The following AKAP13 variants were observed in gnomAD, a reference collection of about 807,000 sequenced individuals.
AKAP13 encodes the protein A-kinase anchoring protein 13.
A neutral mutation model predicts 264.5 loss-of-function variants in AKAP13; 80 were observed. The ratio of observed to expected loss-of-function variants is 0.30; its 90% confidence interval spans 0.25 to 0.36. AKAP13 has a LOEUF of 0.36. AKAP13 is among the 10% of genes least tolerant of loss of function. The pLI, the probability that AKAP13 is intolerant of heterozygous loss-of-function variation, is 1.00. For synonymous variants in AKAP13, 1,380 were observed against 1,250.2 expected, an observed-to-expected ratio of 1.10 and a Z score of -2.19; for missense variants, 3,712 against 3,435.2, an observed-to-expected ratio of 1.08 and a Z score of -2.01.
At chr15:85,706,262 AG>A (rs974426784) in intron 17 of AKAP13, among the ~76,000 whole-genome samples, 35 of 152,132 alleles carry the variant, frequency 2.3e-4, no homozygotes, top group African/African-American at 7.5e-4. Context: ...GTGGCAGAGG[AG>A]GGGAGGTGCA....
chr15:85,578,848 C>G (rs557970357), intron 6 of AKAP13, 82 bp from the exon 7 acceptor site: 4 of 1,342,162 alleles, frequency 3.0e-6, no homozygotes, highest in African/African-American at 2.9e-5. Context: ...TGAGTTCTGT[C>G]CAACAGAATT....
At chr15:85,734,224 C>G (rs1245390264) in intron 30 of AKAP13, among the ~76,000 whole-genome samples, 1 of 152,196 alleles carries the variant, frequency 6.6e-6, no homozygotes, top group African/African-American at 2.4e-5. Context: ...AAGTTAGACC[C>G]TGTGTTCTCC....
chr15:85,580,733 A>ATTT lies in AKAP13; in HGVS notation c.2665_2666insTTT (p.Asn889delinsIleTyr). 6.2e-7 allele frequency: 1 copy of ATTT among 1,614,194 alleles called. No homozygotes were observed. Among genetic ancestry groups the ATTT allele is most frequent in the Non-Finnish European group, 8.5e-7 (1 of 1,180,024 alleles). ...CCCAGAAGCTCTGAATATCAAGGGG[A>ATTT]ACACTGACTCTTCCCTGCAAAGTGT... On this transcript the variant is annotated protein_altering_variant, in exon 7 of 37. Coordinates refer to ENST00000394518, the MANE Select transcript of AKAP13 (RefSeq NM_007200.5).
chr15:85,627,662 TTCTGGATACTG>T (rs1382258130), intron 8 of AKAP13: 3 of 152,234 alleles, frequency 2.0e-5, no homozygotes, highest in African/African-American at 7.2e-5. Context: ...CAGTTTACAT[TTCTGGATACTG>T]TTGGGCTTTT....
chr15:85,577,298 G>A (rs566719426), intron 6 of AKAP13, among the ~76,000 whole-genome samples: 1 of 146,240 alleles, frequency 6.8e-6, no homozygotes, highest in Non-Finnish European at 1.5e-5. Context: ...CAGTAGGTAT[G>A]CATATTATTG....
chr15:85,656,670 G>A (rs528663100), intron 11 of AKAP13, among the ~76,000 whole-genome samples: 4 of 152,162 alleles, frequency 2.6e-5, no homozygotes, highest in South Asian at 2.1e-4. Context: ...GGATGGTCTC[G>A]ATCTCCTGAC....
intron 2 of AKAP13, among the ~76,000 whole-genome samples, chr15:85,501,755 A>G (rs1362855958): frequency 6.6e-6 from 1 of 152,248 alleles, no homozygotes; most frequent in Non-Finnish European, 1.5e-5. Flanking sequence ...AATTCAAACC[A>G]GACCTTTCTT....
intron 16 of AKAP13, among the ~76,000 whole-genome samples, chr15:85,691,321 G>C (rs1165185976): frequency 6.6e-6 from 1 of 152,190 alleles, no homozygotes; most frequent in Non-Finnish European, 1.5e-5. Context: ...CTGCCAAACA[G>C]TGCTTCTAAA....
rs566527196 is a variant in AKAP13, at chr15:85,531,119, C to T, written c.182-2465C>T. 6.6e-5 allele frequency among the ~76,000 whole-genome samples: 10 copies of T among 152,290 alleles called. 1 individual carries two copies. The highest frequency in any genetic ancestry group is 2.4e-4 in the African/African-American group (10 of 41,566). On this transcript the variant is annotated intron_variant, in intron 3 of 36. Coordinates refer to ENST00000394518, the MANE Select transcript of AKAP13 (RefSeq NM_007200.5). ...CAAGTGATCTGCCTGCCTCGGCCTC[C>T]CAAAGTGCTGGGATTACAGCATGAG...
chr15:85,458,386 G>GTTTTTTTTTTTTTTTTTTTTTT (rs1160050565), intron 1 of AKAP13, among the ~76,000 whole-genome samples: 2 of 103,932 alleles, frequency 1.9e-5, no homozygotes, highest in African/African-American at 1.0e-4. Flanking sequence ...TGTATTTTTT[G>GTTTTTTTTTTTTTTTTTTTTTT]TTTTTTGTTT....
At chr15:85,509,926 A>G (rs1033725870) in intron 2 of AKAP13, among the ~76,000 whole-genome samples, 3 of 152,220 alleles carry the variant, frequency 2.0e-5, no homozygotes, top group Admixed American at 2.0e-4. Context: ...GGTTGCAAAT[A>G]TCATTTCTTT....
At chr15:85,523,488 A>G (rs2076905609) in intron 3 of AKAP13, among the ~76,000 whole-genome samples, 2 of 152,182 alleles carry the variant, frequency 1.3e-5, no homozygotes, top group African/African-American at 2.4e-5. Context: ...GCTCATAAAA[A>G]TACACAGCTG....
At chr15:85,532,827 G>C (rs1429416011) in intron 3 of AKAP13, among the ~76,000 whole-genome samples, 2 of 152,300 alleles carry the variant, frequency 1.3e-5, no homozygotes, top group Middle Eastern at 3.4e-3. Context: ...CATCACTCCT[G>C]AGGTGCCTGC....
At chr15:85,515,007 G>T (rs1181880868) in intron 2 of AKAP13, among the ~76,000 whole-genome samples, 2 of 137,486 alleles carry the variant, frequency 1.5e-5, no homozygotes, top group East Asian at 2.0e-4. Flanking sequence ...ATAAATTTGG[G>T]AAGGCCTGTG....
Position 85,533,898 on chromosome 15 carries a change from C to T in AKAP13, c.478+18C>T, listed in dbSNP as rs1021599698. On this transcript the variant is annotated intron_variant, in intron 4 of 36. Transcript: ENST00000394518. ...TTTGCATGGTGAGAATTTATATGAT[C>T]TACAAACACACTTTAAGTTTGTGAT... The T allele has an allele frequency of 3.3e-6, 5 of 1,538,458 alleles. No homozygotes were observed. The highest frequency in any genetic ancestry group is 1.7e-4 in the Middle Eastern group (1 of 5,726).
At chr15:85,443,612 A>G (rs1445029140) in intron 1 of AKAP13, among the ~76,000 whole-genome samples, 1 of 152,222 alleles carries the variant, frequency 6.6e-6, no homozygotes, top group African/African-American at 2.4e-5. Context: ...ATATCTAAAC[A>G]TAGAAAAGGT....
intron 1 of AKAP13, among the ~76,000 whole-genome samples, chr15:85,428,176 A>C (rs2072879767): frequency 6.6e-6 from 1 of 152,112 alleles, no homozygotes; most frequent in Non-Finnish European, 1.5e-5. Context: ...TTACTTTCCT[A>C]GGCATGATCA....
At chr15:85,673,793 C>A (rs982211579) in intron 14 of AKAP13, among the ~76,000 whole-genome samples, 5 of 148,806 alleles carry the variant, frequency 3.4e-5, no homozygotes, top group Non-Finnish European at 7.4e-5. Context: ...TCATGCCATT[C>A]TCCTGCCTCA....
At chr15:85,487,155 G>A (rs942244675) in intron 2 of AKAP13, among the ~76,000 whole-genome samples, 1 of 152,184 alleles carries the variant, frequency 6.6e-6, no homozygotes, top group African/African-American at 2.4e-5. Context: ...AACTTGTTTG[G>A]CCACAGTTTT....
Sources: allele counts gnomAD v4.1 joint callset (sites outside exome capture counted in the v4.1 genomes callset), GRCh38; gene constraint gnomAD v4.1.1; transcripts MANE v1.5; gene names NCBI Gene and HGNC (gene_info 2026-07-23, HGNC 2026-07-21).